Variants in RPS23 observed in about 807,000 individuals in gnomAD.
The protein encoded by RPS23 is small ribosomal subunit protein uS12.
For synonymous variants in RPS23, 66 were observed against 60.4 expected (o/e 1.09, Z -0.43); for missense variants, 73 against 174.5 (o/e 0.42, Z 3.28).
chr5:82,277,173 T>A (rs541004909), intron 2 of RPS23, among the ~76,000 whole-genome samples: 325 of 73,090 alleles, frequency 4.4e-3, no homozygotes, highest in African/African-American at 0.02. Context: ...AGAGCTAGAC[T>A]GTCTCAAAAA....
intron 1 of RPS23, 163 bp from the exon 2 acceptor site, chr5:82,278,015 C>A: frequency 1.4e-6 from 1 of 695,610 alleles, no homozygotes. Context: ...TGCCCTGAAC[C>A]GACTAATAAA....
intron 1 of RPS23, 124 bp from the exon 2 acceptor site, chr5:82,277,976 C>T (rs1482576469): frequency 4.5e-6 from 4 of 893,754 alleles, no homozygotes; most frequent in African/African-American, 3.4e-5. Flanking sequence ...TATTTATTGG[C>T]CTGTGGGCCA....
At position 82,273,899 on chromosome 5, in the gene RPS23, T is replaced by G. The variant is rs1207899323; in HGVS notation, c.*2210A>C. ...TTCAGAGAGAAAAAGTTTTTTAATTTTAATGAAATCCACCAATTTATCTAT... is the reference window on the plus strand; with the variant it reads ...TTCAGAGAGAAAAAGTTTTTTAATTGTAATGAAATCCACCAATTTATCTAT... On this transcript the variant is annotated 3_prime_UTR_variant, in exon 4 of 4. Coordinates refer to ENST00000296674, the MANE Select transcript of RPS23 (RefSeq NM_001025.5). 1 of 152,232 alleles carries G rather than the reference T, an allele frequency of 6.6e-6. No individual in the cohort carries two copies. Among genetic ancestry groups the G allele is most frequent in the Non-Finnish European group, 1.5e-5 (1 of 68,038 alleles). 9.4% of individuals were successfully genotyped at this position (152,232 alleles called of 1,614,324 possible). A position where few individuals can be genotyped will look rare whatever the true frequency, so the allele number is the denominator to read the frequency against.
chr5:82,277,509 C>T lies in RPS23; in HGVS notation c.164+184G>A, dbSNP rs192470282. 2.2e-4 allele frequency: 142 copies of T among 653,054 alleles called. No homozygotes were observed. In the East Asian group the frequency reaches 3.4e-3, roughly 16 times the overall value. The allele number at this position is 653,054 out of a possible 1,614,324, so 40.5% of individuals were successfully genotyped here. A position where few individuals can be genotyped will look rare whatever the true frequency, so the allele number is the denominator to read the frequency against. On this transcript the variant is annotated intron_variant, in intron 2 of 3. Transcript: ENST00000296674. The stretch of plus-strand genomic sequence containing the variant: ...CAACGTTAAATTAAAACCTTAACTA[C>T]CTAATTCCCAAAAACTAATTTTACC...
Position 82,275,506 on chromosome 5 carries a change from A to C in RPS23, c.*603T>G. 1 of 593,430 alleles carries C rather than the reference A, an allele frequency of 1.7e-6. No homozygotes were observed. The highest frequency in any genetic ancestry group is 3.0e-6 in the Non-Finnish European group (1 of 333,228). 36.8% of individuals were successfully genotyped at this position (593,430 alleles called of 1,614,324 possible). The stretch of plus-strand genomic sequence containing the variant: ...TCTCCCTTGCCTGGCATATACTTCC[A>C]TCAACTAAATGATCCAATGCCTGTA... On this transcript the variant is annotated 3_prime_UTR_variant, in exon 4 of 4. Transcript: ENST00000296674.
intron 1 of RPS23, 188 bp from the exon 2 acceptor site, chr5:82,278,040 T>G: frequency 1.5e-6 from 1 of 658,522 alleles, no homozygotes; most frequent in East Asian, 2.7e-5. Flanking sequence ...CGAAGAGGGC[T>G]CCGGAGAATG....
chr5:82,274,899 T>G lies in RPS23; in HGVS notation c.*1210A>C, dbSNP rs1747738929. The G allele has an allele frequency of 3.3e-6, 1 of 303,826 alleles. No individual in the cohort carries two copies. The highest frequency in any genetic ancestry group is 4.6e-5 in the Admixed American group (1 of 21,570). The allele number at this position is 303,826 out of a possible 1,614,324, so 18.8% of individuals were successfully genotyped here. A position where few individuals can be genotyped will look rare whatever the true frequency, so the allele number is the denominator to read the frequency against. ...AGTGTGCTGGAAAACACACGAGCTCTTTAGTAAGAGCAGGCGACATGCAAG... is the reference window on the plus strand; with the variant it reads ...AGTGTGCTGGAAAACACACGAGCTCGTTAGTAAGAGCAGGCGACATGCAAG... On this transcript the variant is annotated 3_prime_UTR_variant, in exon 4 of 4. Transcript: ENST00000296674.
rs527779614 is a variant in RPS23 at position 82,273,542 on chromosome 5, G to A, written c.*2567C>T. 3.2e-4 allele frequency: 48 copies of A among 149,190 alleles called. 7 individuals carry two copies. Among genetic ancestry groups the A allele is most frequent in the African/African-American group, 1.2e-3 (47 of 38,676 alleles). 9.2% of individuals were successfully genotyped at this position (149,190 alleles called of 1,614,324 possible). ...GAGTTTCACAATTTTTTTATACAAT[G>A]CTTGGAATCTACGGATAACATCAGG... On this transcript the variant is annotated 3_prime_UTR_variant, in exon 4 of 4. Coordinates refer to ENST00000296674, the MANE Select transcript of RPS23 (RefSeq NM_001025.5).
At position 82,275,570 on chromosome 5, in the gene RPS23, G is replaced by C; in HGVS notation, c.*539C>G. On this transcript the variant is annotated 3_prime_UTR_variant, in exon 4 of 4. Transcript: ENST00000296674. ...ATTAATGTAGACACATTACAACACA[G>C]ATCCTGACACCTTTAAATAATAAAC... 2.1e-6 allele frequency: 1 copy of C among 468,686 alleles called. No homozygotes were observed. The highest frequency in any genetic ancestry group is 3.5e-5 in the East Asian group (1 of 28,868). The allele number at this position is 468,686 out of a possible 1,614,324, so 29.0% of individuals were successfully genotyped here. A position where few individuals can be genotyped will look rare whatever the true frequency, so the allele number is the denominator to read the frequency against.
At chr5:82,278,155 C>G (rs1218645947) in intron 1 of RPS23, 165 bp downstream of exon 1, 33 of 917,786 alleles carry the variant, frequency 3.6e-5, no homozygotes, top group Non-Finnish European at 5.4e-5. Flanking sequence ...CCTCATGGGC[C>G]CCTTCCGCGC....
At chr5:82,277,407 T>C in intron 2 of RPS23, 3 of 429,860 alleles carry the variant, frequency 7.0e-6, no homozygotes, top group Non-Finnish European at 1.3e-5. Flanking sequence ...GCCATTTACT[T>C]ATAACAACTC....
chr5:82,277,034 A>G (rs1747838229), intron 2 of RPS23, among the ~76,000 whole-genome samples: 1 of 151,762 alleles, frequency 6.6e-6, no homozygotes, highest in Admixed American at 6.6e-5. Context: ...AAAATACAAA[A>G]TATTAGCTGG....
At position 82,277,656 on chromosome 5, in the gene RPS23, A is replaced by G; in HGVS notation, c.164+37T>C. ...TCGTAAGTTCATGTCTCGAATTCCT[A>G]TAATAAACTAAAACTTGACGGGAGC... On this transcript the variant is annotated intron_variant, in intron 2 of 3. Transcript: ENST00000296674. 2.5e-6 allele frequency: 4 copies of G among 1,603,122 alleles called. 1 individual carries two copies. The highest frequency in any genetic ancestry group is 3.9e-4 in the Middle Eastern group (2 of 5,122).
At position 82,274,874 on chromosome 5, in the gene RPS23, A is replaced by T. The variant is rs1747738331; in HGVS notation, c.*1235T>A. 3 of 252,700 alleles carry T rather than the reference A, an allele frequency of 1.2e-5. No homozygotes were observed. Among genetic ancestry groups the T allele is most frequent in the Non-Finnish European group, 2.3e-5 (3 of 130,788 alleles). 15.7% of individuals were successfully genotyped at this position (252,700 alleles called of 1,614,324 possible). The stretch of plus-strand genomic sequence containing the variant: ...GCATCATCATCAAGAGATAAACCGA[A>T]GTGTGCTGGAAAACACACGAGCTCT... On this transcript the variant is annotated 3_prime_UTR_variant, in exon 4 of 4. Transcript: ENST00000296674.
rs981214365 is a variant in RPS23, at chr5:82,275,270, A to G, written c.*839T>C. ...GCAGAAGGCTCACAGCTTCATTTCA[A>G]CCATGCCACTGTATCCATGAAAACT... On this transcript the variant is annotated 3_prime_UTR_variant, in exon 4 of 4. Coordinates refer to ENST00000296674, the MANE Select transcript of RPS23 (RefSeq NM_001025.5). 2 of 702,518 alleles carry G rather than the reference A, an allele frequency of 2.8e-6. No homozygotes were observed. Among genetic ancestry groups the G allele is most frequent in the Admixed American group, 2.0e-5 (1 of 50,000 alleles). The allele number at this position is 702,518 out of a possible 1,614,324, so 43.5% of individuals were successfully genotyped here.
chr5:82,275,447 GA>G lies in RPS23; in HGVS notation c.*661del, dbSNP rs11346477. Reference sequence around the variant, plus strand: ...AAGGTCTCTGACAACCTCATGAGAAGATACTGAAAACATCAGTCTTGTCGTA... The same window carrying G: ...AAGGTCTCTGACAACCTCATGAGAAGTACTGAAAACATCAGTCTTGTCGTA... On this transcript the variant is annotated 3_prime_UTR_variant, in exon 4 of 4. Coordinates refer to ENST00000296674, the MANE Select transcript of RPS23 (RefSeq NM_001025.5). 0.72 allele frequency: 459,193 copies of G among 640,026 alleles called. 166,664 individuals carry two copies. Among genetic ancestry groups the G allele is most frequent in the East Asian group, 0.94 (34,441 of 36,736 alleles). The allele number at this position is 640,026 out of a possible 1,614,324, so 39.6% of individuals were successfully genotyped here.
chr5:82,276,757 G>A (rs1333028726), intron 2 of RPS23: 1 of 517,250 alleles, frequency 1.9e-6, no homozygotes, highest in East Asian at 3.2e-5. Flanking sequence ...GCGTGGGCCT[G>A]TAGTCCCAAC....
rs531318449 is a variant in RPS23, at chr5:82,275,375, T to C, written c.*734A>G. On this transcript the variant is annotated 3_prime_UTR_variant, in exon 4 of 4. Coordinates refer to ENST00000296674, the MANE Select transcript of RPS23 (RefSeq NM_001025.5). ...AATTATCAAAACACAACCAATCTTG[T>C]CTCTACACTAAACCACTTCATTTGC... is the stretch of plus-strand genomic sequence containing the variant. The C allele has an allele frequency of 1.4e-6, 1 of 700,678 alleles. No homozygotes were observed. The highest frequency in any genetic ancestry group is 2.6e-6 in the Non-Finnish European group (1 of 384,052). The allele number at this position is 700,678 out of a possible 1,614,324, so 43.4% of individuals were successfully genotyped here.
At chr5:82,278,236 CCCTACTCTATTCGCATCCGCCCG>C in intron 1 of RPS23, 61 bp downstream of exon 1, 1 of 1,423,688 alleles carries the variant, frequency 7.0e-7, no homozygotes, top group South Asian at 1.3e-5. Context: ...GCATCCCCCG[CCCTACTCTATTCGCATCCGCCCG>C]CCCGTCCCCA....
Sources: gnomAD v4.1 joint callset for allele counts (sites outside exome capture counted in the v4.1 genomes callset) on GRCh38, gnomAD v4.1.1 for gene constraint, MANE v1.5 for transcripts, NCBI Gene and HGNC (gene_info 2026-07-23, HGNC 2026-07-21) for gene names.